Variants in RAB38 observed in about 807,000 individuals in gnomAD.
The protein encoded by RAB38 is ras-related protein Rab-38.
A neutral mutation model predicts 18.4 loss-of-function variants in RAB38; 15 were observed. The ratio of observed to expected loss-of-function variants is 0.82; its 90% CI spans 0.55 to 1.26. The LOEUF is 1.26. Ranked by LOEUF, RAB38 falls within the 50% of genes most tolerant of loss-of-function variation. The probability of loss-of-function intolerance (pLI) is 0.00; values close to 1 mark genes in which losing one functional copy is unlikely to be tolerated. For synonymous variants in RAB38, 101 were observed against 104.4 expected (o/e 0.97, Z 0.20); for missense variants, 294 against 267.4 (o/e 1.10, Z -0.69).
Position 88,113,968 on chromosome 11 carries a change from G to T in RAB38, c.*20C>A, listed in dbSNP as rs1487219835. 3 of 1,613,772 alleles carry T rather than the reference G, an allele frequency of 1.9e-6. No homozygotes were observed. Among genetic ancestry groups the T allele is most frequent in the Non-Finnish European group, 2.5e-6 (3 of 1,179,834 alleles). On this transcript the variant is annotated 3_prime_UTR_variant, in exon 3 of 3. Transcript: ENST00000243662. ...TGGAACAATGAGGTCATTCCTACCA[G>T]ACACCAGCAAAGGTGCCTACTAGGA...
the RAB38 span, among the ~76,000 whole-genome samples, chr11:87,878,727 G>A: frequency 1.3e-5 from 2 of 151,614 alleles, no homozygotes; most frequent in African/African-American, 2.4e-5. Flanking sequence ...AGCTTTTAAA[G>A]CCAGCTGTGT....
chr11:88,014,178 T>C, the RAB38 span, among the ~76,000 whole-genome samples: 1 of 152,256 alleles, frequency 6.6e-6, no homozygotes, highest in South Asian at 2.1e-4. Flanking sequence ...GTTACTTATA[T>C]ATACTGTCTT....
chr11:87,964,539 T>C, the RAB38 span, among the ~76,000 whole-genome samples: 1 of 152,142 alleles, frequency 6.6e-6, no homozygotes, highest in Admixed American at 6.6e-5. Context: ...TGATAGGAGC[T>C]ACAAAGTGCA....
intron 1 of RAB38, among the ~76,000 whole-genome samples, chr11:88,164,889 T>C (rs1943229614): frequency 6.6e-6 from 1 of 152,066 alleles, no homozygotes; most frequent in South Asian, 2.1e-4. Flanking sequence ...ATATAAATCT[T>C]TTTATTCTGA....
intron 1 of RAB38, among the ~76,000 whole-genome samples, chr11:88,152,065 C>T (rs566870866): frequency 2.9e-4 from 44 of 152,270 alleles, no homozygotes; most frequent in African/African-American, 1.1e-3. Flanking sequence ...TTTTAAATTT[C>T]TTTTTTTCTT....
At chr11:87,917,152 G>C in the RAB38 span, among the ~76,000 whole-genome samples, 1 of 152,132 alleles carries the variant, frequency 6.6e-6, no homozygotes, top group Admixed American at 6.6e-5. Context: ...GGTGGGTTCA[G>C]AGAAAGTAGG....
At chr11:87,817,757 A>G in the RAB38 span, among the ~76,000 whole-genome samples, 1 of 152,200 alleles carries the variant, frequency 6.6e-6, no homozygotes. Context: ...GAAAAATTCC[A>G]GTAGTATCTT....
chr11:87,900,817 AG>A, the RAB38 span, among the ~76,000 whole-genome samples: 1 of 151,492 alleles, frequency 6.6e-6, no homozygotes, highest in Admixed American at 6.6e-5. Context: ...AAAGCAAAAA[AG>A]GAAAGAAATG....
At chr11:88,033,190 A>G in the RAB38 span, among the ~76,000 whole-genome samples, 1 of 151,896 alleles carries the variant, frequency 6.6e-6, no homozygotes, top group Non-Finnish European at 1.5e-5. Context: ...GAACACATGG[A>G]CACAGGAAGG....
the RAB38 span, among the ~76,000 whole-genome samples, chr11:88,054,489 G>A: frequency 5.3e-5 from 8 of 152,196 alleles, no homozygotes; most frequent in South Asian, 2.1e-4. Flanking sequence ...CTGGGAATGC[G>A]CCCAACATGG....
At chr11:87,902,655 G>A in the RAB38 span, among the ~76,000 whole-genome samples, 16 of 151,356 alleles carry the variant, frequency 1.1e-4, no homozygotes, top group South Asian at 6.2e-4. Flanking sequence ...TGAATGCAGC[G>A]TATCTTACTA....
chr11:87,944,173 C>T, the RAB38 span, among the ~76,000 whole-genome samples: 1 of 152,108 alleles, frequency 6.6e-6, no homozygotes, highest in Admixed American at 6.6e-5. Flanking sequence ...TTAAAAAGTA[C>T]TTTATTGCTA....
At chr11:88,154,984 A>G (rs1943107787) in intron 1 of RAB38, among the ~76,000 whole-genome samples, 1 of 152,160 alleles carries the variant, frequency 6.6e-6, no homozygotes, top group Non-Finnish European at 1.5e-5. Flanking sequence ...TCTGCTCTAC[A>G]TCCAGGCAGC....
the RAB38 span, among the ~76,000 whole-genome samples, chr11:87,842,768 GCA>G: frequency 6.6e-6 from 1 of 151,394 alleles, no homozygotes; most frequent in Non-Finnish European, 1.5e-5. Context: ...CACCCCATGC[GCA>G]CACATACACA....
At chr11:88,161,800 T>G (rs76352907) in intron 1 of RAB38, among the ~76,000 whole-genome samples, 1 of 152,238 alleles carries the variant, frequency 6.6e-6, no homozygotes, top group African/African-American at 2.4e-5. Context: ...GCCTGGATTA[T>G]TATGCTTTCA....
At chr11:88,029,587 C>A in the RAB38 span, among the ~76,000 whole-genome samples, 1 of 152,076 alleles carries the variant, frequency 6.6e-6, no homozygotes, top group Non-Finnish European at 1.5e-5. Context: ...GTCCTAGTCT[C>A]TGATAAAACA....
At chr11:87,962,987 G>A in the RAB38 span, among the ~76,000 whole-genome samples, 1 of 151,900 alleles carries the variant, frequency 6.6e-6, no homozygotes, top group East Asian at 1.9e-4. Context: ...GTATCTCAGG[G>A]GTTCCATGAG....
chr11:87,921,918 A>G, the RAB38 span, among the ~76,000 whole-genome samples: 1 of 152,030 alleles, frequency 6.6e-6, no homozygotes, highest in East Asian at 1.9e-4. Context: ...ACATGAGCAT[A>G]GGACTGTACT....
chr11:87,898,152 T>C, the RAB38 span, among the ~76,000 whole-genome samples: 1 of 151,570 alleles, frequency 6.6e-6, no homozygotes, highest in Admixed American at 6.6e-5. Flanking sequence ...ACAGTAAAAA[T>C]TGCAACATGA....
Sources: gnomAD v4.1 joint callset for allele counts (sites outside exome capture counted in the v4.1 genomes callset) on GRCh38, gnomAD v4.1.1 for gene constraint, MANE v1.5 for transcripts, NCBI Gene and HGNC (gene_info 2026-07-23, HGNC 2026-07-21) for gene names.